ACACB: variants seen among roughly 807,000 people sequenced by gnomAD.
ACACB encodes acetyl-CoA carboxylase beta, also known as acetyl-CoA carboxylase 2.
Under a neutral mutation model 278.8 loss-of-function variants are expected in ACACB, and 209 were observed. That is an observed-to-expected ratio of 0.75 (90% confidence interval 0.67 to 0.84). ACACB has a LOEUF of 0.84. Ranked by LOEUF, ACACB falls within the 40% of genes least tolerant of loss-of-function variation. ACACB has a pLI of 0.00. For synonymous variants in ACACB, 1,174 were observed against 1,285.6 expected, an observed-to-expected ratio of 0.91 and a Z score of 1.86; for missense variants, 2,850 against 3,269.0, an observed-to-expected ratio of 0.87 and a Z score of 3.13.
At chr12:109,121,638 C>T (rs2042551544) in intron 1 of ACACB, among the ~76,000 whole-genome samples, 1 of 152,192 alleles carries the variant, frequency 6.6e-6, no homozygotes, top group Non-Finnish European at 1.5e-5. Flanking sequence ...GTGCAGATGC[C>T]TGTGCCCAGG....
intron 2 of ACACB, among the ~76,000 whole-genome samples, chr12:109,166,645 G>A (rs995100476): frequency 1.9e-4 from 5 of 25,912 alleles, no homozygotes; most frequent in Admixed American, 5.1e-4. Flanking sequence ...ATGAGATCCC[G>A]TCTCAAAAAA....
chr12:109,203,520 T>A (rs2045399313), intron 19 of ACACB, among the ~76,000 whole-genome samples: 1 of 152,236 alleles, frequency 6.6e-6, no homozygotes. Flanking sequence ...TCCAGGAGAC[T>A]GGAAACACCG....
intron 45 of ACACB, 101 bp from the exon 46 acceptor site, chr12:109,258,167 A>T: frequency 1.3e-6 from 1 of 770,498 alleles, no homozygotes; most frequent in Non-Finnish European, 2.1e-6. Flanking sequence ...CCAGATTAAA[A>T]AGAGCATTCT....
chr12:109,233,655 G>A (rs898575969), intron 29 of ACACB, 93 bp from the exon 30 acceptor site: 4 of 1,028,278 alleles, frequency 3.9e-6, no homozygotes, highest in East Asian at 4.8e-5. Context: ...AAATTGGGAG[G>A]GTCTGGCGTT....
intron 46 of ACACB, 58 bp from the exon 47 acceptor site, chr12:109,258,915 C>T (rs1040370884): frequency 6.3e-6 from 10 of 1,595,886 alleles, no homozygotes; most frequent in South Asian, 2.3e-5. Flanking sequence ...GCAGCCGTCC[C>T]TCTGTCCTGG....
chr12:109,173,388 C>T (rs1311039713), intron 6 of ACACB, among the ~76,000 whole-genome samples: 2 of 152,212 alleles, frequency 1.3e-5, no homozygotes, highest in Non-Finnish European at 2.9e-5. Context: ...TGAAAACAGT[C>T]TTGCCCAAAT....
intron 24 of ACACB, among the ~76,000 whole-genome samples, chr12:109,217,250 C>T (rs2046029444): frequency 6.6e-6 from 1 of 152,100 alleles, no homozygotes; most frequent in Non-Finnish European, 1.5e-5. Context: ...CCATTGCACT[C>T]CAGCCTGGGC....
the ACACB span, chr12:109,111,544 T>TTTTC: frequency 1.3e-5 from 2 of 151,388 alleles, no homozygotes; most frequent in African/African-American, 2.4e-5. Flanking sequence ...TTGTGTTTTT[T>TTTTC]TTTCTTTCTT....
intron 2 of ACACB, among the ~76,000 whole-genome samples, chr12:109,162,377 G>A (rs370953569): frequency 5.3e-5 from 8 of 152,100 alleles, no homozygotes; most frequent in East Asian, 1.9e-4. Flanking sequence ...GGGACCCCTG[G>A]CCATCTGTAC....
At chr12:109,186,157 C>G (rs551841234) in intron 12 of ACACB, among the ~76,000 whole-genome samples, 31 of 152,260 alleles carry the variant, frequency 2.0e-4, no homozygotes, top group African/African-American at 7.0e-4. Flanking sequence ...TCTGGAACTC[C>G]TGACCTTGAG....
intron 49 of ACACB, 40 bp downstream of exon 49, chr12:109,262,509 A>T: frequency 6.9e-7 from 1 of 1,440,034 alleles, no homozygotes; most frequent in Non-Finnish European, 9.7e-7. Context: ...AGAGGTCAAG[A>T]GAGGCCCAGC....
intron 28 of ACACB, among the ~76,000 whole-genome samples, chr12:109,228,800 G>C (rs144903117): frequency 1.1e-4 from 17 of 152,258 alleles, no homozygotes; most frequent in Non-Finnish European, 2.1e-4. Flanking sequence ...ATTGGGAAGA[G>C]TCATGAGATA....
At position 109,197,094 on chromosome 12, in the gene ACACB, GC is replaced by G; in HGVS notation, c.2569del (p.Leu857SerfsTer14). The G allele has an allele frequency of 6.2e-7, 1 of 1,601,950 alleles. No individual in the cohort carries two copies. The highest frequency in any genetic ancestry group is 8.5e-7 in the Non-Finnish European group (1 of 1,175,282). ...IDAHRLNDGG[L>X]LLSYNGNSYT... ...ATGCCCACCGGCTGAATGATGGGGG[GC>G]TCCTGCTCTCCTACAATGGGAACAG... is the stretch of plus-strand genomic sequence containing the variant. On this transcript the variant is annotated frameshift_variant, in exon 17 of 53. Transcript: ENST00000338432. LOFTEE classifies it high-confidence loss of function.
In ACACB at chr12:109,237,180, A is replaced by G; in HGVS notation, c.4462A>G (p.Ile1488Val). Residue 1488 changes from isoleucine to valine, a missense_variant, in exon 34 of 53, where the codon ATT (isoleucine) becomes GTT (valine). Ile to Val is a conservative substitution (Grantham distance 29). Around this residue, in one of 3 missense-constraint regions of ACACB, gnomAD observed 2,265 missense variants for 2,561.3 expected, o/e 0.88. Transcript: ENST00000338432. ...CCGCCTACAGTTTGCAGAAGATCGC[A>G]TTTACCGTCACTTGGAACCTGCCCT... is the stretch of plus-strand genomic sequence containing the variant. ...RARDEFAEDR[I>V]YRHLEPALAF... 2 of 1,614,066 alleles carry G rather than the reference A, an allele frequency of 1.2e-6. No homozygotes were observed. The highest frequency in any genetic ancestry group is 1.7e-6 in the Non-Finnish European group (2 of 1,180,028).
At chr12:109,143,197 C>G (rs944327889) in intron 2 of ACACB, among the ~76,000 whole-genome samples, 5 of 151,876 alleles carry the variant, frequency 3.3e-5, no homozygotes, top group African/African-American at 1.2e-4. Context: ...CCTGATGGCT[C>G]ATACCTGTAA....
Position 109,172,264 on chromosome 12 carries a change from T to A in ACACB, c.1036-11T>A, listed in dbSNP as rs766086038. 5 of 1,613,306 alleles carry A rather than the reference T, an allele frequency of 3.1e-6. No homozygotes were observed. The highest frequency in any genetic ancestry group is 3.4e-6 in the Non-Finnish European group (4 of 1,179,708). On this transcript the variant is annotated splice_polypyrimidine_tract_variant and intron_variant, in intron 5 of 52. Transcript: ENST00000338432. Reference sequence around the variant, plus strand: ...AGGAAGATTGTTGCTCACCCCTTTCTGTGTTTGCAGGCGGTGTGGGCTGGC... The same window carrying A: ...AGGAAGATTGTTGCTCACCCCTTTCAGTGTTTGCAGGCGGTGTGGGCTGGC...
At chr12:109,253,306 T>C in intron 43 of ACACB, 148 bp downstream of exon 43, 1 of 857,350 alleles carries the variant, frequency 1.2e-6, no homozygotes, top group Admixed American at 2.7e-5. Context: ...TCTTACTCCT[T>C]CTTCCTTCTC....
chr12:109,139,521 C>T lies in ACACB; in HGVS notation c.116C>T (p.Ala39Val). The stretch of plus-strand genomic sequence containing the variant: ...CCGATCACCAAGAGTAAATCAGAAG[C>T]AAACCTCATCCCGAGCCAGGAGCCC... ...SKPITKSKSEANLIPSQEPFP... is the reference protein window; with the variant it reads ...SKPITKSKSEVNLIPSQEPFP... The change falls in exon 2 of 53, where the codon GCA (alanine) becomes GTA (valine). Residue 39 changes from alanine to valine, a missense_variant. Ala to Val is a moderately conservative substitution (Grantham distance 64). Coordinates refer to ENST00000338432, the MANE Select transcript of ACACB (RefSeq NM_001093.4). The T allele has an allele frequency of 6.2e-7, 1 of 1,614,144 alleles. No individual in the cohort carries two copies. Among genetic ancestry groups the T allele is most frequent in the Non-Finnish European group, 8.5e-7 (1 of 1,180,036 alleles).
chr12:109,215,114 A>G (rs939104806), intron 22 of ACACB, among the ~76,000 whole-genome samples: 1 of 151,972 alleles, frequency 6.6e-6, no homozygotes, highest in Non-Finnish European at 1.5e-5. Flanking sequence ...GAAAAAAAAA[A>G]AGGGAGAAGC....
Sources: gnomAD v4.1 joint callset for allele counts (sites outside exome capture counted in the v4.1 genomes callset) on GRCh38, gnomAD v4.1.1 for gene constraint, gnomAD v4.1.1 regional missense constraint, MANE v1.5 for transcripts, NCBI Gene and HGNC (gene_info 2026-07-23, HGNC 2026-07-21) for gene names.